Variants in L2HGDH observed in about 807,000 individuals in gnomAD.
L2HGDH encodes the protein L-2-hydroxyglutarate dehydrogenase.
In L2HGDH, 34 loss-of-function variants were observed where a neutral mutation model predicts 51.5. The ratio of observed to expected loss-of-function variants is 0.66; its 90% CI spans 0.50 to 0.88. L2HGDH has a LOEUF of 0.88. Among genes scored for constraint, L2HGDH ranks in the 40% least tolerant of loss-of-function variants. The pLI, the probability that L2HGDH is intolerant of heterozygous loss-of-function variation, is 0.00. For missense variants in L2HGDH, 558 were observed against 571.9 expected, an observed-to-expected ratio of 0.98 and a Z score of 0.25; for synonymous variants, 198 against 197.9, an observed-to-expected ratio of 1.00 and a Z score of -0.01.
intron 5 of L2HGDH, chr14:50,282,493 C>T (rs754695916): frequency 2.2e-6 from 1 of 455,930 alleles, no homozygotes; most frequent in Middle Eastern, 3.3e-4. Flanking sequence ...GAAATTCTTG[C>T]TCGTTATTCA....
chr14:50,262,472 A>T (rs2139961589), intron 9 of L2HGDH, among the ~76,000 whole-genome samples: 1 of 151,810 alleles, frequency 6.6e-6, no homozygotes, highest in South Asian at 2.1e-4. Context: ...TTTATTATTT[A>T]ATATTTCAGG....
In L2HGDH at chr14:50,242,636, A is replaced by G; in HGVS notation, c.*4422T>C. The stretch of plus-strand genomic sequence containing the variant: ...TTAAGCTATTTAATGAGTACAAACT[A>G]TTTGAAAACATCTCGAGGCAGCTTT... On this transcript the variant is annotated 3_prime_UTR_variant, in exon 10 of 10. Transcript: ENST00000267436. 1.0e-6 allele frequency: 1 copy of G among 985,398 alleles called. No homozygotes were observed. Among genetic ancestry groups the G allele is most frequent in the Non-Finnish European group, 1.2e-6 (1 of 829,908 alleles). 61.0% of individuals were successfully genotyped at this position (985,398 alleles called of 1,614,324 possible). A position where few individuals can be genotyped will look rare whatever the true frequency, so the allele number is the denominator to read the frequency against.
chr14:50,283,275 G>C (rs1890378068), intron 5 of L2HGDH, among the ~76,000 whole-genome samples: 1 of 152,088 alleles, frequency 6.6e-6, no homozygotes, highest in South Asian at 2.1e-4. Context: ...GTAGGGAAGT[G>C]TTTGGAGACA....
chr14:50,251,867 G>A (rs375716906), intron 9 of L2HGDH, among the ~76,000 whole-genome samples: 28 of 152,158 alleles, frequency 1.8e-4, no homozygotes, highest in Admixed American at 6.6e-4. Flanking sequence ...AAATACTAAA[G>A]AGAGTTCTTC....
At position 50,243,177 on chromosome 14, in the gene L2HGDH, T is replaced by A. The variant is rs1201586681; in HGVS notation, c.*3881A>T. The A allele has an allele frequency of 3.0e-6, 3 of 985,320 alleles. No homozygotes were observed. The African/African-American group carries it at 5.2e-5, about 17-fold the overall frequency. The allele number at this position is 985,320 out of a possible 1,614,324, so 61.0% of individuals were successfully genotyped here. On this transcript the variant is annotated 3_prime_UTR_variant, in exon 10 of 10. Coordinates refer to ENST00000267436, the MANE Select transcript of L2HGDH (RefSeq NM_024884.3). The stretch of plus-strand genomic sequence containing the variant: ...GAGAGGATCAAGGGAAGGACTTTGA[T>A]ATACACATATATGTATGGATAAAAG...
intron 2 of L2HGDH, 143 bp downstream of exon 2, chr14:50,302,759 T>C (rs112464124): frequency 3.0e-5 from 21 of 702,982 alleles, no homozygotes; most frequent in African/African-American, 1.4e-4. Context: ...TCAAATAACC[T>C]ATAGCCATGT....
intron 1 of L2HGDH, among the ~76,000 whole-genome samples, chr14:50,304,004 A>G (rs1322301346): frequency 6.6e-6 from 1 of 152,082 alleles, no homozygotes; most frequent in Non-Finnish European, 1.5e-5. Flanking sequence ...TAAGAAATGC[A>G]TTGGTAGGCG....
Position 50,308,686 on chromosome 14 carries a change from A to G in L2HGDH, c.140+3325T>C, listed in dbSNP as rs115431726. On this transcript the variant is annotated intron_variant, in intron 1 of 9. Transcript: ENST00000267436. ...TGTAAAATAGTACAGCCACTCTGGA[A>G]AAGAGTATGGCAGTTTCTTAAAAAG... Among the ~76,000 whole-genome samples the G allele has an allele frequency of 2.0e-3, 301 of 152,338 alleles. 1 individual carries two copies. Among genetic ancestry groups the G allele is most frequent in the African/African-American group, 6.4e-3 (267 of 41,588 alleles).
At chr14:50,306,852 A>G (rs1196347055) in intron 1 of L2HGDH, among the ~76,000 whole-genome samples, 3 of 151,818 alleles carry the variant, frequency 2.0e-5, no homozygotes, top group South Asian at 2.1e-4. Context: ...GTCTCACTCT[A>G]TTGCCTAGGT....
At position 50,295,572 on chromosome 14, in the gene L2HGDH, A is replaced by ATTTT. The variant is rs545388262; in HGVS notation, c.409-1330_409-1327dup. On this transcript the variant is annotated intron_variant, in intron 3 of 9. Coordinates refer to ENST00000267436, the MANE Select transcript of L2HGDH (RefSeq NM_024884.3). ...CAGGCATGTGCACCACACTCGGCTA[A>ATTTT]TTTTTTTTTTTTTTTTTTTTTTTTT... Among the ~76,000 whole-genome samples the ATTTT allele has an allele frequency of 1.3e-3, 133 of 105,798 alleles. 4 individuals are homozygous for ATTTT. Among genetic ancestry groups the ATTTT allele is most frequent in the African/African-American group, 5.0e-3 (119 of 23,922 alleles). 69.4% of individuals were successfully genotyped at this position (105,798 alleles called of 152,430 possible).
intron 9 of L2HGDH, among the ~76,000 whole-genome samples, chr14:50,251,267 T>A (rs1888332913): frequency 6.6e-6 from 1 of 152,058 alleles, no homozygotes. Flanking sequence ...GCAGAACTGA[T>A]CAGGCAGAAG....
intron 3 of L2HGDH, among the ~76,000 whole-genome samples, chr14:50,296,246 C>T (rs1007767621): frequency 6.6e-6 from 1 of 151,380 alleles, no homozygotes; most frequent in Non-Finnish European, 1.5e-5. Flanking sequence ...TGGTGGTGTG[C>T]ACCTGTAGTC....
chr14:50,275,388 C>T (rs1889922916), intron 6 of L2HGDH, among the ~76,000 whole-genome samples: 1 of 152,194 alleles, frequency 6.6e-6, no homozygotes, highest in Non-Finnish European at 1.5e-5. Flanking sequence ...GAAAAGGTAG[C>T]ACTTACTTCT....
chr14:50,291,862 A>T (rs549699031), intron 4 of L2HGDH, among the ~76,000 whole-genome samples: 7 of 152,348 alleles, frequency 4.6e-5, no homozygotes, highest in African/African-American at 1.7e-4. Context: ...ATTAGAAAAG[A>T]AGAAATAAAT....
chr14:50,258,143 T>C (rs1356881753), intron 9 of L2HGDH, among the ~76,000 whole-genome samples: 2 of 151,828 alleles, frequency 1.3e-5, no homozygotes, highest in African/African-American at 2.4e-5. Flanking sequence ...TATTATCCAG[T>C]TGCAACAATT....
At chr14:50,271,855 C>T (rs1187380551) in intron 6 of L2HGDH, among the ~76,000 whole-genome samples, 1 of 151,866 alleles carries the variant, frequency 6.6e-6, no homozygotes, top group East Asian at 1.9e-4. Context: ...TTTTAAAAAT[C>T]CCTGGCCAGG....
At chr14:50,295,808 G>T (rs576776906) in intron 3 of L2HGDH, among the ~76,000 whole-genome samples, 3 of 144,532 alleles carry the variant, frequency 2.1e-5, no homozygotes, top group Admixed American at 7.2e-5. Flanking sequence ...GCAGGATCTC[G>T]TCTCACTGCA....
At chr14:50,268,698 G>T (rs187460214) in intron 7 of L2HGDH, among the ~76,000 whole-genome samples, 2 of 152,266 alleles carry the variant, frequency 1.3e-5, no homozygotes, top group East Asian at 3.9e-4. Flanking sequence ...TATATTTTAA[G>T]AGATTCATTC....
At position 50,311,731 on chromosome 14, in the gene L2HGDH, G is replaced by A. The variant is rs115062923; in HGVS notation, c.140+280C>T. On this transcript the variant is annotated intron_variant, in intron 1 of 9. Transcript: ENST00000267436. ...AATTCACAACTGAGCCTTTAAGGAGGTTAAGTAACTAGCCCAGAGTTCAAC... is the reference window on the plus strand; with the variant it reads ...AATTCACAACTGAGCCTTTAAGGAGATTAAGTAACTAGCCCAGAGTTCAAC... Among the ~76,000 whole-genome samples, 486 of 152,326 alleles carry A rather than the reference G, an allele frequency of 3.2e-3. 1 individual carries two copies. Among genetic ancestry groups the A allele is most frequent in the African/African-American group, 9.5e-3 (395 of 41,568 alleles).
Sources: gnomAD v4.1 joint callset for allele counts (sites outside exome capture counted in the v4.1 genomes callset) on GRCh38, gnomAD v4.1.1 for gene constraint, MANE v1.5 for transcripts, NCBI Gene and HGNC (gene_info 2026-07-23, HGNC 2026-07-21) for gene names.